INSR: variants seen among roughly 807,000 people sequenced by gnomAD.
The protein encoded by INSR is IR.
In INSR, 67 loss-of-function variants were observed where a neutral mutation model predicts 142.6. The ratio of observed to expected loss-of-function variants is 0.47; its 90% CI spans 0.39 to 0.58. The LOEUF (loss-of-function observed/expected upper bound fraction) is 0.58. Among genes scored for constraint, INSR ranks in the 20% least tolerant of loss-of-function variants. INSR has a pLI of 0.00. For synonymous variants in INSR, 756 were observed against 743.1 expected, an observed-to-expected ratio of 1.02 and a Z score of -0.28; for missense variants, 1,248 against 1,833.2, an observed-to-expected ratio of 0.68 and a Z score of 5.83.
At chr19:7,185,570 T>A (rs566724347) in intron 2 of INSR, among the ~76,000 whole-genome samples, 2 of 152,090 alleles carry the variant, frequency 1.3e-5, no homozygotes, top group Admixed American at 6.6e-5. Context: ...TGGCTCGGTG[T>A]GGTGGCTCAC....
chr19:7,260,881 T>C (rs1311113066), intron 2 of INSR, among the ~76,000 whole-genome samples: 1 of 84,500 alleles, frequency 1.2e-5, no homozygotes, highest in Non-Finnish European at 2.3e-5. Context: ...AAAGAACTTC[T>C]TTTTTTTTTT....
intron 1 of INSR, among the ~76,000 whole-genome samples, chr19:7,279,812 CAA>C (rs529299496): frequency 1.7e-4 from 23 of 138,356 alleles, no homozygotes; most frequent in African/African-American, 5.3e-4. Flanking sequence ...CCATCTCTAC[CAA>C]AAAAAAAAAA....
chr19:7,144,793 T>C (rs564752438), intron 11 of INSR, among the ~76,000 whole-genome samples: 10 of 151,570 alleles, frequency 6.6e-5, no homozygotes, highest in African/African-American at 2.4e-4. Context: ...TAGAGGAAAA[T>C]ATTACTAGGT....
At chr19:7,178,353 G>A (rs1429294045) in intron 3 of INSR, among the ~76,000 whole-genome samples, 2 of 151,738 alleles carry the variant, frequency 1.3e-5, no homozygotes, top group East Asian at 3.9e-4. Flanking sequence ...TGAGGGGGCT[G>A]GAAATGGCAG....
chr19:7,178,247 G>T (rs542658002), intron 3 of INSR, among the ~76,000 whole-genome samples: 1 of 134,758 alleles, frequency 7.4e-6, no homozygotes, highest in Non-Finnish European at 1.6e-5. Context: ...GACTTGTGGG[G>T]GGGGGGGTGC....
chr19:7,117,223 G>A lies in INSR; in HGVS notation c.3982C>T (p.Pro1328Ser). Reference protein sequence around the residue: ...EMEFEDMENVPLDRSSHCQRE... With the variant: ...EMEFEDMENVSLDRSSHCQRE... ...TGACAGTGCGAGGAACGGTCCAGGG[G>A]CACATTCTCCATGTCCTCAAACTCC... Residue 1328 changes from proline to serine, a missense_variant, in exon 22 of 22, where the codon CCC becomes TCC. Pro to Ser is a moderately conservative substitution (Grantham distance 74). Coordinates refer to ENST00000302850, the MANE Select transcript of INSR (RefSeq NM_000208.4). The A allele has an allele frequency of 6.2e-7, 1 of 1,614,144 alleles. No homozygotes were observed. The highest frequency in any genetic ancestry group is 8.5e-7 in the Non-Finnish European group (1 of 1,180,024).
chr19:7,194,601 G>C (rs1387671949), intron 2 of INSR, among the ~76,000 whole-genome samples: 4 of 131,910 alleles, frequency 3.0e-5, no homozygotes, highest in African/African-American at 8.6e-5. Context: ...TAACCCCCAT[G>C]TCCTGGGTTC....
chr19:7,257,020 GCAACCTC>G (rs1317248761), intron 2 of INSR, among the ~76,000 whole-genome samples: 6 of 144,266 alleles, frequency 4.2e-5, no homozygotes, highest in Admixed American at 3.7e-4. Flanking sequence ...TCGGCTCACT[GCAACCTC>G]CGCCTCCTGG....
chr19:7,293,781 C>A lies in INSR; in HGVS notation c.100+11G>T. 1 of 1,356,134 alleles carries A rather than the reference C, an allele frequency of 7.4e-7. No homozygotes were observed. The highest frequency in any genetic ancestry group is 1.8e-5 in the South Asian group (1 of 55,702). 84.0% of individuals were successfully genotyped at this position (1,356,134 alleles called of 1,614,324 possible). ...GGCGCTCCCCGCCCACGCCCGCGCC[C>A]CCAGACTCACCCTCTCCGGGGTACA... On this transcript the variant is annotated intron_variant, in intron 1 of 21. Transcript: ENST00000302850.
chr19:7,263,499 C>T (rs1977128559), intron 2 of INSR, among the ~76,000 whole-genome samples: 2 of 152,136 alleles, frequency 1.3e-5, no homozygotes, highest in South Asian at 2.1e-4. Context: ...AAGTGTTAGT[C>T]GCACCTTCTC....
Position 7,293,842 on chromosome 19 carries a change from G to T in INSR, c.50C>A (p.Ala17Glu). The T allele has an allele frequency of 7.7e-7, 1 of 1,291,222 alleles. No individual in the cohort carries two copies. Among genetic ancestry groups the T allele is most frequent in the East Asian group, 3.3e-5 (1 of 30,380 alleles). The allele number at this position is 1,291,222 out of a possible 1,614,324, so 80.0% of individuals were successfully genotyped here. The change falls in exon 1 of 22, where the codon GCG becomes GAG. Residue 17 changes from alanine (A) to glutamate (E), a missense_variant. Physicochemically the swap from Ala to Glu is moderately radical, Grantham distance 107. Transcript: ENST00000302850. The part of the protein sequence containing the change: ...RGAAAAPLLV[A>E]VAALLLGAAG... ...GGCGCCCAGTAGCAGCGCGGCCACC[G>T]CCACCAGCAGCGGCGCGGCCGCCGC...
intron 1 of INSR, among the ~76,000 whole-genome samples, chr19:7,285,269 G>A (rs1162212839): frequency 6.6e-6 from 1 of 151,886 alleles, no homozygotes; most frequent in Non-Finnish European, 1.5e-5. Context: ...TGACCAACAT[G>A]GTAAAACCCC....
At chr19:7,238,962 C>CAAAAAAAAAAAAAAAAAAAAAAAAAA (rs71177185) in intron 2 of INSR, among the ~76,000 whole-genome samples, 1 of 77,892 alleles carries the variant, frequency 1.3e-5, no homozygotes, top group African/African-American at 5.8e-5. Context: ...GATGAATTCT[C>CAAAAAAAAAAAAAAAAAAAAAAAAAA]AAAAAAAAAA....
At chr19:7,117,461 A>T in intron 21 of INSR, 51 bp from the exon 22 acceptor site, 1 of 1,404,674 alleles carries the variant, frequency 7.1e-7, no homozygotes, top group Middle Eastern at 1.9e-4. Context: ...CCTGCCACGC[A>T]TCCTCCCAAA....
At chr19:7,191,004 A>T (rs989842695) in intron 2 of INSR, among the ~76,000 whole-genome samples, 1 of 152,106 alleles carries the variant, frequency 6.6e-6, no homozygotes, top group Non-Finnish European at 1.5e-5. Context: ...TGTCAATTTT[A>T]AAAAAATAGA....
chr19:7,152,414 A>C, intron 10 of INSR: 1 of 392,328 alleles, frequency 2.5e-6, no homozygotes, highest in Non-Finnish European at 4.8e-6. Context: ...AGAAAAAAAA[A>C]AATGTTAATC....
rs772706541 is a variant in INSR at position 7,142,898 on chromosome 19, G to A, written c.2460C>T (p.Ile820=). The A allele has an allele frequency of 7.4e-6, 12 of 1,614,004 alleles. No individual in the cohort carries two copies. In the Admixed American group the frequency reaches 8.3e-5, roughly 11 times the overall value. Residue 820 remains isoleucine, a synonymous_variant, in exon 12 of 22, where the codon ATC becomes ATT. Transcript: ENST00000302850. ...TGTCCTGGTTGCAAGCCTGCAGCTC[G>A]ATGCGATAGCCCGTGAAGTGTCGCA... is the stretch of plus-strand genomic sequence containing the variant. The part of the protein sequence containing the change: ...SGLRHFTGYR[I]ELQACNQDTP...
chr19:7,183,890 C>A (rs1441574780), intron 3 of INSR, among the ~76,000 whole-genome samples: 2 of 151,858 alleles, frequency 1.3e-5, no homozygotes, highest in Non-Finnish European at 2.9e-5. Flanking sequence ...GAAACCCTGT[C>A]TCTATTAAAA....
chr19:7,205,756 G>A (rs1222973578), intron 2 of INSR, among the ~76,000 whole-genome samples: 1 of 152,124 alleles, frequency 6.6e-6, no homozygotes. Flanking sequence ...TGGGCATTGT[G>A]GTGCACACCT....
Sources: gnomAD v4.1 joint callset for allele counts (sites outside exome capture counted in the v4.1 genomes callset) on GRCh38, gnomAD v4.1.1 for gene constraint, MANE v1.5 for transcripts, NCBI Gene and HGNC (gene_info 2026-07-23, HGNC 2026-07-21) for gene names.